The following GSDMC variants were observed in gnomAD, a reference collection of about 807,000 sequenced individuals.
The protein encoded by GSDMC is gasdermin C.
Under a neutral mutation model 58.0 loss-of-function variants are expected in GSDMC, and 59 were observed. The ratio of observed to expected loss-of-function variants is 1.02; its 90% CI spans 0.82 to 1.26. The LOEUF (loss-of-function observed/expected upper bound fraction) is 1.26. Ranked by LOEUF, GSDMC falls within the 50% of genes most tolerant of loss-of-function variation. The probability of loss-of-function intolerance (pLI) is 0.00; values close to 1 mark genes in which losing one functional copy is unlikely to be tolerated. For synonymous variants in GSDMC, 241 were observed against 220.2 expected (o/e 1.09, Z -0.83); for missense variants, 659 against 598.5 (o/e 1.10, Z -1.06).
At chr8:129,754,938 T>A (rs1031977694) in intron 6 of GSDMC, among the ~76,000 whole-genome samples, 1 of 151,596 alleles carries the variant, frequency 6.6e-6, no homozygotes, top group Admixed American at 6.6e-5. Flanking sequence ...GAAAAAAGAA[T>A]AAAAAACAAT....
chr8:129,774,853 G>A (rs58767048), intron 3 of GSDMC, among the ~76,000 whole-genome samples: 30,689 of 152,022 alleles, frequency 0.2, 3,204 homozygotes, highest in African/African-American at 0.23. Context: ...TATCAGGGAC[G>A]TACAAATCAA....
chr8:129,734,689 G>T, the GSDMC span, among the ~76,000 whole-genome samples: 1 of 152,282 alleles, frequency 6.6e-6, no homozygotes, highest in Non-Finnish European at 1.5e-5. Context: ...GGAACAACTG[G>T]TACCAGACAC....
the GSDMC span, among the ~76,000 whole-genome samples, chr8:129,713,093 C>T: frequency 1.3e-5 from 2 of 152,352 alleles, no homozygotes; most frequent in African/African-American, 2.4e-5. Context: ...GCTCCTCACT[C>T]CTCCCTGGAT....
Position 129,748,420 on chromosome 8 carries a change from T to A in GSDMC, c.*81A>T. ...GGAAACGCAGAGAGGCACAGCCCTATCTCTTGCACCCATAAGGACACTCAC... is the reference window on the plus strand; with the variant it reads ...GGAAACGCAGAGAGGCACAGCCCTAACTCTTGCACCCATAAGGACACTCAC... On this transcript the variant is annotated 3_prime_UTR_variant, in exon 14 of 14. Coordinates refer to ENST00000276708, the MANE Select transcript of GSDMC (RefSeq NM_031415.3). 1 of 1,392,362 alleles carries A rather than the reference T, an allele frequency of 7.2e-7. No homozygotes were observed. Among genetic ancestry groups the A allele is most frequent in the Non-Finnish European group, 9.7e-7 (1 of 1,034,784 alleles). 86.3% of individuals were successfully genotyped at this position (1,392,362 alleles called of 1,614,324 possible).
intron 1 of GSDMC, among the ~76,000 whole-genome samples, chr8:129,784,437 T>G (rs1354186712): frequency 6.8e-6 from 1 of 148,130 alleles, no homozygotes; most frequent in African/African-American, 2.5e-5. Flanking sequence ...GGCAAAAGAG[T>G]TGAATAAACA....
intron 6 of GSDMC, 42 bp downstream of exon 6, chr8:129,760,503 C>T (rs1242732688): frequency 5.8e-6 from 7 of 1,200,906 alleles, no homozygotes; most frequent in Non-Finnish European, 6.1e-6. Flanking sequence ...CCCATGTACT[C>T]ATAAAAATAA....
chr8:129,755,541 C>T (rs2033393841), intron 6 of GSDMC, among the ~76,000 whole-genome samples: 1 of 152,132 alleles, frequency 6.6e-6, no homozygotes, highest in South Asian at 2.1e-4. Flanking sequence ...ACAAAACTCA[C>T]TGCTAATAGG....
intron 4 of GSDMC, among the ~76,000 whole-genome samples, chr8:129,764,796 C>T (rs1015264315): frequency 6.6e-6 from 1 of 152,212 alleles, no homozygotes; most frequent in African/African-American, 2.4e-5. Context: ...GATATTCTTA[C>T]TTGCAGTCCC....
the GSDMC span, among the ~76,000 whole-genome samples, chr8:129,733,012 C>T: frequency 8.3e-3 from 1,257 of 152,342 alleles, 10 homozygotes; most frequent in Non-Finnish European, 0.014. Flanking sequence ...GATTATATCC[C>T]GCATGTGGCT....
At chr8:129,714,344 G>T in the GSDMC span, among the ~76,000 whole-genome samples, 1 of 152,152 alleles carries the variant, frequency 6.6e-6, no homozygotes, top group Non-Finnish European at 1.5e-5. Flanking sequence ...TTTATTCAAT[G>T]AGTAAAAAGA....
the GSDMC span, among the ~76,000 whole-genome samples, chr8:129,726,033 T>C: frequency 6.6e-6 from 1 of 152,246 alleles, no homozygotes; most frequent in Non-Finnish European, 1.5e-5. Context: ...AGAATATTCC[T>C]CTGCTTATGG....
At chr8:129,729,608 G>A in the GSDMC span, among the ~76,000 whole-genome samples, 157 of 152,250 alleles carry the variant, frequency 1.0e-3, no homozygotes, top group Non-Finnish European at 2.0e-3. Flanking sequence ...ATGGTTTCCA[G>A]CTTCATCCAT....
the GSDMC span, among the ~76,000 whole-genome samples, chr8:129,732,221 C>T: frequency 6.6e-6 from 1 of 151,742 alleles, no homozygotes; most frequent in East Asian, 1.9e-4. Context: ...CGAACAAGTG[C>T]CAGATCATTG....
downstream of GSDMC, chr8:129,748,104 C>T (rs2130306092): frequency 1.3e-5 from 2 of 154,132 alleles, no homozygotes; most frequent in Admixed American, 1.3e-4. Flanking sequence ...ATCTGTCTAT[C>T]ATCAAGTCAA....
Position 129,752,681 on chromosome 8 carries a change from G to A in GSDMC, c.844+17C>T. The A allele has an allele frequency of 6.2e-7, 1 of 1,613,822 alleles. No homozygotes were observed. The highest frequency in any genetic ancestry group is 8.5e-7 in the Non-Finnish European group (1 of 1,179,896). ...GCATCAACATAGAAGTAAAAATAAA[G>A]TGAGCAATCACAGTACCTGGTTTTA... is the stretch of plus-strand genomic sequence containing the variant. On this transcript the variant is annotated intron_variant, in intron 7 of 13. Coordinates refer to ENST00000276708, the MANE Select transcript of GSDMC (RefSeq NM_031415.3).
chr8:129,741,253 A>T, the GSDMC span, among the ~76,000 whole-genome samples: 1 of 152,052 alleles, frequency 6.6e-6, no homozygotes, highest in African/African-American at 2.4e-5. Flanking sequence ...ATATCTTTAT[A>T]ATATATTTTT....
chr8:129,749,608 G>A lies in GSDMC; in HGVS notation c.1214-83C>T, dbSNP rs1449677570. On this transcript the variant is annotated intron_variant, in intron 12 of 13. Transcript: ENST00000276708. ...CACCATAAAGCAGGAGACCCCCTGA[G>A]AGAATAACTCCAAGGCAGAGGAATA... 4 of 979,794 alleles carry A rather than the reference G, an allele frequency of 4.1e-6. No homozygotes were observed. The African/African-American group carries it at 4.8e-5, about 12-fold the overall frequency. The allele number at this position is 979,794 out of a possible 1,614,324, so 60.7% of individuals were successfully genotyped here. A position where few individuals can be genotyped will look rare whatever the true frequency, so the allele number is the denominator to read the frequency against.
At chr8:129,746,082 G>A (rs991665168), downstream of GSDMC, among the ~76,000 whole-genome samples, 7 of 152,110 alleles carry the variant, frequency 4.6e-5, no homozygotes, top group Non-Finnish European at 8.8e-5. Flanking sequence ...GCGGGGTAGG[G>A]GAGAAGGTGG....
downstream of GSDMC, among the ~76,000 whole-genome samples, chr8:129,747,947 T>TAC (rs112116565): frequency 0.17 from 26,160 of 150,600 alleles, 2,597 homozygotes; most frequent in Non-Finnish European, 0.23. Flanking sequence ...AATATGCACA[T>TAC]ACACACACAC....
Sources: allele counts gnomAD v4.1 joint callset (sites outside exome capture counted in the v4.1 genomes callset), GRCh38; gene constraint gnomAD v4.1.1; transcripts MANE v1.5; gene names NCBI Gene and HGNC (gene_info 2026-07-23, HGNC 2026-07-21).